GSDME: variants seen among roughly 807,000 people sequenced by gnomAD.
GSDME encodes gasdermin E.
In GSDME, 44 loss-of-function variants were observed where a neutral mutation model predicts 47.5. The observed-to-expected ratio is 0.93, with a 90% CI of 0.73 to 1.19. The LOEUF (loss-of-function observed/expected upper bound fraction) is 1.19, where lower values mean the gene tolerates loss of function less well. Among genes scored for constraint, GSDME ranks in the 50% most tolerant of loss-of-function variants. The pLI is 0.00. For missense variants in GSDME, 663 were observed against 604.2 expected, an observed-to-expected ratio of 1.10 and a Z score of -1.02; for synonymous variants, 258 against 252.8, an observed-to-expected ratio of 1.02 and a Z score of -0.20.
At chr7:24,727,640 T>A (rs1790012118) in intron 3 of GSDME, among the ~76,000 whole-genome samples, 1 of 152,264 alleles carries the variant, frequency 6.6e-6, no homozygotes, top group African/African-American at 2.4e-5. Context: ...AGACATTGCC[T>A]GTAAACTCCT....
chr7:24,741,333 C>T (rs558678480), intron 3 of GSDME, among the ~76,000 whole-genome samples: 38 of 151,972 alleles, frequency 2.5e-4, no homozygotes, highest in Non-Finnish European at 5.1e-4. Context: ...AATGAAAGAG[C>T]TTATCCGAGT....
intron 4 of GSDME, among the ~76,000 whole-genome samples, chr7:24,718,453 T>A (rs1283639714): frequency 1.3e-5 from 2 of 152,254 alleles, no homozygotes; most frequent in Non-Finnish European, 2.9e-5. Flanking sequence ...AGATCTTACC[T>A]GCCCTAACTC....
chr7:24,702,544 A>G (rs1788911712), intron 9 of GSDME: 2 of 508,670 alleles, frequency 3.9e-6, no homozygotes, highest in African/African-American at 3.9e-5. Context: ...TGGACCTGCT[A>G]ACAAGTTATT....
At chr7:24,743,979 A>G (rs1790569212) in intron 3 of GSDME, 1 of 162,204 alleles carries the variant, frequency 6.2e-6, no homozygotes, top group Non-Finnish European at 1.3e-5. Flanking sequence ...AATGTAGAAC[A>G]GTACATGGCA....
Position 24,717,284 on chromosome 7 carries a change from C to T in GSDME, c.667G>A (p.Glu223Lys), listed in dbSNP as rs750031899. Residue 223 changes from glutamate (E) to lysine (K), a missense_variant, in exon 5 of 10, where the codon GAG becomes AAG. Coordinates refer to ENST00000645220, the MANE Select transcript of GSDME (RefSeq NM_001127453.2). ...TGGCCGTCCAGTTTCACGTATAACTCAATGACACCGTAGGCAATGGTGGTG... is the reference window on the plus strand; with the variant it reads ...TGGCCGTCCAGTTTCACGTATAACTTAATGACACCGTAGGCAATGGTGGTG... Reference protein sequence around the residue: ...AATTIAYGVIELYVKLDGQFE... With the variant: ...AATTIAYGVIKLYVKLDGQFE... The T allele has an allele frequency of 6.2e-7, 1 of 1,614,120 alleles. No homozygotes were observed. Among genetic ancestry groups the T allele is most frequent in the Non-Finnish European group, 8.5e-7 (1 of 1,180,030 alleles).
the GSDME span, among the ~76,000 whole-genome samples, chr7:24,790,863 G>T: frequency 6.6e-6 from 1 of 152,070 alleles, no homozygotes; most frequent in African/African-American, 2.4e-5. This position sits in a 1 kb window ranked among gnomAD's most constrained non-coding sequence, Gnocchi z 4.1. Flanking sequence ...TTAACTTTTT[G>T]CCCTACCTTA....
At chr7:24,703,845 CCCAAA>C (rs1243165890) in intron 8 of GSDME, 1 of 152,150 alleles carries the variant, frequency 6.6e-6, no homozygotes, top group African/African-American at 2.4e-5. Context: ...AGTCTCTTAC[CCCAAA>C]GCAGGAAGGT....
chr7:24,789,281 C>G, the GSDME span, among the ~76,000 whole-genome samples: 29 of 152,030 alleles, frequency 1.9e-4, no homozygotes, highest in Admixed American at 5.9e-4. Flanking sequence ...CACACACACA[C>G]GCCTGTGAAT....
intron 2 of GSDME, among the ~76,000 whole-genome samples, chr7:24,746,273 G>C (rs553527977): frequency 1.3e-5 from 2 of 152,032 alleles, no homozygotes; most frequent in Non-Finnish European, 2.9e-5. Context: ...CAAACATTTT[G>C]GGCAATGCCT....
In GSDME at chr7:24,699,162, A is replaced by G. The variant is rs727502953; in HGVS notation, c.1355T>C (p.Phe452Ser). The change falls in exon 10 of 10, where the codon TTT (phenylalanine) becomes TCT (serine). Residue 452 changes from phenylalanine (F) to serine (S), a missense_variant. Transcript: ENST00000645220. ...CTCCAGACTAATGTCAGCTGAGGCAAACAAGCGCTGCACAATCCCAAACCT... is the reference window on the plus strand; with the variant it reads ...CTCCAGACTAATGTCAGCTGAGGCAGACAAGCGCTGCACAATCCCAAACCT... ...TERFGIVQRL[F>S]ASADISLERL... is the part of the protein sequence containing the mutation. 1 of 1,614,214 alleles carries G rather than the reference A, an allele frequency of 6.2e-7. No individual in the cohort carries two copies. The highest frequency in any genetic ancestry group is 8.5e-7 in the Non-Finnish European group (1 of 1,180,036).
At chr7:24,767,970 T>G in the GSDME span, among the ~76,000 whole-genome samples, 12 of 152,154 alleles carry the variant, frequency 7.9e-5, no homozygotes, top group African/African-American at 2.9e-4. The surrounding 1 kb of genome is among the most constrained non-coding windows in gnomAD (Gnocchi z 5.3). Flanking sequence ...CTGAAATGAA[T>G]CCGTTCTCAC....
chr7:24,774,758 C>G, the GSDME span, among the ~76,000 whole-genome samples: 1 of 152,184 alleles, frequency 6.6e-6, no homozygotes, highest in South Asian at 2.1e-4. Context: ...GTCTTGAACT[C>G]CTGACCTCAT....
the GSDME span, among the ~76,000 whole-genome samples, chr7:24,777,736 G>C: frequency 6.6e-6 from 1 of 152,044 alleles, no homozygotes; most frequent in Non-Finnish European, 1.5e-5. Context: ...TTTTGAAAAA[G>C]TTTATGAAAG....
upstream of GSDME, among the ~76,000 whole-genome samples, chr7:24,759,032 G>T (rs945416095): frequency 2.0e-5 from 3 of 152,298 alleles, no homozygotes; most frequent in Middle Eastern, 3.4e-3. Context: ...CAAAATAAGT[G>T]CACAATTAGT....
At chr7:24,779,799 A>C in the GSDME span, among the ~76,000 whole-genome samples, 2 of 152,332 alleles carry the variant, frequency 1.3e-5, no homozygotes, top group African/African-American at 4.8e-5. The surrounding 1 kb of genome is among the most constrained non-coding windows in gnomAD (Gnocchi z 6.0). Context: ...ATGACTGCAG[A>C]AACAGTCCAC....
intron 3 of GSDME, among the ~76,000 whole-genome samples, chr7:24,743,632 C>T (rs532512205): frequency 6.6e-6 from 1 of 152,200 alleles, no homozygotes; most frequent in Non-Finnish European, 1.5e-5. Flanking sequence ...CTTGGCGCCC[C>T]ACCCCTTTCA....
chr7:24,709,934 G>GA (rs1345592363), intron 6 of GSDME, among the ~76,000 whole-genome samples: 1 of 152,198 alleles, frequency 6.6e-6, no homozygotes, highest in Admixed American at 6.5e-5. Flanking sequence ...TACAATGAAA[G>GA]AAAAATGCCA....
At position 24,698,960 on chromosome 7, in the gene GSDME, A is replaced by G. The variant is rs1199712089; in HGVS notation, c.*66T>C. 4 of 1,081,348 alleles carry G rather than the reference A, an allele frequency of 3.7e-6. No homozygotes were observed. Among genetic ancestry groups the G allele is most frequent in the Non-Finnish European group, 5.6e-6 (4 of 711,300 alleles). The allele number at this position is 1,081,348 out of a possible 1,614,324, so 67.0% of individuals were successfully genotyped here. ...TCATTGGTCAACTTTTAACGTGCAT[A>G]TGACCTTTAACAGTTCTGAAAAATA... is the stretch of plus-strand genomic sequence containing the variant. On this transcript the variant is annotated 3_prime_UTR_variant, in exon 10 of 10. Coordinates refer to ENST00000645220, the MANE Select transcript of GSDME (RefSeq NM_001127453.2).
the GSDME span, among the ~76,000 whole-genome samples, chr7:24,778,795 G>A: frequency 2.0e-5 from 3 of 152,202 alleles, no homozygotes; most frequent in African/African-American, 4.8e-5. The surrounding 1 kb of genome is among the most constrained non-coding windows in gnomAD (Gnocchi z 5.6). Context: ...ATCCAGTTAC[G>A]TGGCCACTCC....
Sources: allele counts gnomAD v4.1 joint callset (sites outside exome capture counted in the v4.1 genomes callset), GRCh38; gene constraint gnomAD v4.1.1; non-coding constraint Gnocchi (gnomAD v3.1); transcripts MANE v1.5; gene names NCBI Gene and HGNC (gene_info 2026-07-23, HGNC 2026-07-21).